Variants in ARHGEF33 observed in about 807,000 individuals in gnomAD.
The protein encoded by ARHGEF33 is Rho guanine nucleotide exchange factor 33, also known as DH and coiled-coil domain-containing protein ENSP00000381780.
Under a neutral mutation model 101.9 loss-of-function variants are expected in ARHGEF33, and 72 were observed. That is an observed-to-expected ratio of 0.71 (90% CI 0.58 to 0.86). The LOEUF (loss-of-function observed/expected upper bound fraction) is 0.86, where lower values mean the gene tolerates loss of function less well. Among genes scored for constraint, ARHGEF33 ranks in the 40% least tolerant of loss-of-function variants. The probability of loss-of-function intolerance (pLI) is 0.00; values close to 1 mark genes in which losing one functional copy is unlikely to be tolerated. For synonymous variants in ARHGEF33, 499 were observed against 442.5 expected (o/e 1.13, Z -1.60); for missense variants, 1,169 against 1,111.3 (o/e 1.05, Z -0.74).
At chr2:38,971,242 T>G (rs915799113) in intron 17 of ARHGEF33, among the ~76,000 whole-genome samples, 1 of 152,224 alleles carries the variant, frequency 6.6e-6, no homozygotes, top group African/African-American at 2.4e-5. Context: ...TATGACCTAC[T>G]GAATTTGCTA....
intron 16 of ARHGEF33, among the ~76,000 whole-genome samples, chr2:38,961,337 G>C (rs1027294402): frequency 6.6e-6 from 1 of 152,156 alleles, no homozygotes; most frequent in Non-Finnish European, 1.5e-5. Flanking sequence ...AGTGAATGTT[G>C]AGGTATTCTG....
chr2:38,902,504 C>T (rs1666271386), intron 2 of ARHGEF33, among the ~76,000 whole-genome samples: 2 of 152,232 alleles, frequency 1.3e-5, no homozygotes, highest in African/African-American at 2.4e-5. Flanking sequence ...CCTCATTTTC[C>T]GTATTTGTAA....
intron 1 of ARHGEF33, among the ~76,000 whole-genome samples, chr2:38,892,660 T>G (rs955690870): frequency 1.1e-4 from 16 of 152,218 alleles, no homozygotes; most frequent in Non-Finnish European, 2.2e-4. Flanking sequence ...CAGCCTCCTT[T>G]TAGTCTCCTG....
At chr2:38,933,386 T>C (rs548770006) in intron 7 of ARHGEF33, among the ~76,000 whole-genome samples, 1 of 152,182 alleles carries the variant, frequency 6.6e-6, no homozygotes, top group East Asian at 1.9e-4. Context: ...TGTTTTGTTT[T>C]TTTTTTCTTT....
intron 2 of ARHGEF33, among the ~76,000 whole-genome samples, chr2:38,904,805 A>G (rs1666351940): frequency 6.6e-6 from 1 of 152,174 alleles, no homozygotes; most frequent in South Asian, 2.1e-4. Context: ...TTTAAAGGAA[A>G]ACAATCTACT....
chr2:38,946,568 C>T (rs1339212735), intron 10 of ARHGEF33, among the ~76,000 whole-genome samples: 2 of 152,112 alleles, frequency 1.3e-5, no homozygotes, highest in African/African-American at 4.8e-5. Context: ...TCATTATCCT[C>T]CTCCACTCAT....
intron 2 of ARHGEF33, among the ~76,000 whole-genome samples, chr2:38,902,901 A>G (rs758529414): frequency 6.6e-6 from 1 of 152,174 alleles, no homozygotes; most frequent in Non-Finnish European, 1.5e-5. Context: ...CCTCTCTTAT[A>G]TGTATGGGTC....
At chr2:38,896,709 C>A (rs966738655) in intron 2 of ARHGEF33, among the ~76,000 whole-genome samples, 3 of 152,162 alleles carry the variant, frequency 2.0e-5, no homozygotes, top group African/African-American at 7.2e-5. Context: ...AGAAAAAAGT[C>A]TCATAATTTA....
At chr2:38,930,174 C>CT (rs1157858467) in intron 6 of ARHGEF33, among the ~76,000 whole-genome samples, 1 of 152,056 alleles carries the variant, frequency 6.6e-6, no homozygotes, top group African/African-American at 2.4e-5. Flanking sequence ...CAGTGATTTT[C>CT]TTTTTTTATT....
At position 38,946,169 on chromosome 2, in the gene ARHGEF33, G is replaced by A. The variant is rs112029085; in HGVS notation, c.920+2139G>A. Among the ~76,000 whole-genome samples, 542 of 152,272 alleles carry A rather than the reference G, an allele frequency of 3.6e-3. 6 individuals are homozygous for A. Among genetic ancestry groups the A allele is most frequent in the African/African-American group, 0.012 (513 of 41,554 alleles). On this transcript the variant is annotated intron_variant, in intron 10 of 17. Transcript: ENST00000409978. The stretch of plus-strand genomic sequence containing the variant: ...CCCTTGTTGCAAGCCTCCAGCAGGC[G>A]GGAGGTCATAGGGGAGAGACCAGAC...
intron 2 of ARHGEF33, among the ~76,000 whole-genome samples, chr2:38,912,196 G>C (rs1162333540): frequency 6.6e-6 from 1 of 152,254 alleles, no homozygotes; most frequent in Non-Finnish European, 1.5e-5. Flanking sequence ...CAGAAAGAAA[G>C]GAGGAAGGTC....
At chr2:38,921,882 T>A (rs1389838330) in intron 4 of ARHGEF33, among the ~76,000 whole-genome samples, 2 of 152,232 alleles carry the variant, frequency 1.3e-5, no homozygotes, top group African/African-American at 4.8e-5. Context: ...AAATCTGTTT[T>A]TCTTACTTTT....
At chr2:38,908,919 T>A (rs1240687160) in intron 2 of ARHGEF33, among the ~76,000 whole-genome samples, 1 of 152,232 alleles carries the variant, frequency 6.6e-6, no homozygotes, top group African/African-American at 2.4e-5. Flanking sequence ...TATTTACCAC[T>A]AAGTCTTTAT....
At chr2:38,926,230 G>A (rs981110718) in intron 4 of ARHGEF33, among the ~76,000 whole-genome samples, 1 of 152,164 alleles carries the variant, frequency 6.6e-6, no homozygotes, top group African/African-American at 2.4e-5. Context: ...AAAAATCAAC[G>A]AGATGAGGAA....
intron 10 of ARHGEF33, among the ~76,000 whole-genome samples, chr2:38,945,328 C>T (rs971888365): frequency 6.6e-6 from 1 of 152,196 alleles, no homozygotes; most frequent in Non-Finnish European, 1.5e-5. Flanking sequence ...CCTAAATGAC[C>T]GAGTGAGGCA....
In ARHGEF33 at chr2:38,950,998, T is replaced by C. The variant is rs1032236164; in HGVS notation, c.930T>C (p.Pro310=). Residue 310 remains proline, a synonymous_variant, in exon 11 of 18, where the codon CCT becomes CCC. Transcript: ENST00000409978. ...KRNSKERSLF[P]GSLRYLVQQH... ...TCTATTCTGTTTCAAGCCTCTTCCC[T>C]GGCTCTTTACGGTACCTCGTCCAGC... 8.4e-6 allele frequency: 13 copies of C among 1,552,142 alleles called. No homozygotes were observed. In the African/African-American group the frequency reaches 1.4e-4, roughly 16 times the overall value.
At chr2:38,959,685 G>A in intron 15 of ARHGEF33, 156 bp from the exon 16 acceptor site, 1 of 771,302 alleles carries the variant, frequency 1.3e-6, no homozygotes, top group Non-Finnish European at 2.0e-6. Flanking sequence ...CCTGGGAACG[G>A]GGGTTCGTGG....
Position 38,966,107 on chromosome 2 carries a change from G to C in ARHGEF33, c.2445G>C (p.Gly815=). ...AAAATCCCAGGCAAGACCAGAAGGGGGGCTTTCGCAGCTCCTTCCGCAAGC... is the reference window on the plus strand; with the variant it reads ...AAAATCCCAGGCAAGACCAGAAGGGCGGCTTTCGCAGCTCCTTCCGCAAGC... The part of the protein sequence containing the change: ...SDQNPRQDQK[G]GFRSSFRKLF... Residue 815 remains glycine (G), a synonymous_variant, in exon 17 of 18, where the codon GGG becomes GGC. Transcript: ENST00000409978. 6.4e-7 allele frequency: 1 copy of C among 1,551,668 alleles called. No homozygotes were observed. Among genetic ancestry groups the C allele is most frequent in the Non-Finnish European group, 8.7e-7 (1 of 1,146,980 alleles).
At chr2:38,894,643 T>C (rs996200102) in intron 1 of ARHGEF33, among the ~76,000 whole-genome samples, 3 of 152,144 alleles carry the variant, frequency 2.0e-5, no homozygotes, top group African/African-American at 7.2e-5. Flanking sequence ...GGTCTCCACC[T>C]ATCTCACTGA....
Sources: gnomAD v4.1 joint callset for allele counts (sites outside exome capture counted in the v4.1 genomes callset) on GRCh38, gnomAD v4.1.1 for gene constraint, MANE v1.5 for transcripts, NCBI Gene and HGNC (gene_info 2026-07-23, HGNC 2026-07-21) for gene names.